IL6ST: variants seen among roughly 807,000 people sequenced by gnomAD.
IL6ST encodes the protein interleukin 6 cytokine family signal transducer.
In IL6ST, 24 loss-of-function variants were observed where a neutral mutation model predicts 91.3. The observed-to-expected ratio is 0.26, with a 90% CI of 0.19 to 0.37. The LOEUF (loss-of-function observed/expected upper bound fraction) is 0.37, where lower values mean the gene tolerates loss of function less well. IL6ST is among the 10% of genes least tolerant of loss of function. The pLI, the probability that IL6ST is intolerant of heterozygous loss-of-function variation, is 1.00. For synonymous variants in IL6ST, 351 were observed against 373.6 expected (o/e 0.94, Z 0.70); for missense variants, 914 against 1,078.5 (o/e 0.85, Z 2.14).
At chr5:55,985,965 G>A (rs1333424351) in intron 1 of IL6ST, among the ~76,000 whole-genome samples, 1 of 152,188 alleles carries the variant, frequency 6.6e-6, no homozygotes, top group South Asian at 2.1e-4. Flanking sequence ...CAGAAGGTAG[G>A]ATGACTCCTA....
In IL6ST at chr5:55,935,708, G is replaced by A. The variant is rs919946285; in HGVS notation, c.*5374C>T. On this transcript the variant is annotated 3_prime_UTR_variant, in exon 17 of 17. Transcript: ENST00000381298. Reference sequence around the variant, plus strand: ...GACTTAAGTATGGAAGAGCCTATACGCAGTTGTAATATATTTCGTATTTTG... The same window carrying A: ...GACTTAAGTATGGAAGAGCCTATACACAGTTGTAATATATTTCGTATTTTG... 7 of 217,630 alleles carry A rather than the reference G, an allele frequency of 3.2e-5. No individual in the cohort carries two copies. The highest frequency in any genetic ancestry group is 9.0e-5 in the African/African-American group (4 of 44,304). The allele number at this position is 217,630 out of a possible 1,614,324, so 13.5% of individuals were successfully genotyped here.
intron 2 of IL6ST, among the ~76,000 whole-genome samples, chr5:55,980,736 A>AT (rs1250489652): frequency 5.3e-5 from 8 of 152,092 alleles, no homozygotes; most frequent in African/African-American, 1.9e-4. Flanking sequence ...TTAATGTGTA[A>AT]TTTTTTTCTT....
In IL6ST at chr5:55,955,328, G is replaced by T. The variant is rs11574773; in HGVS notation, c.1268-336C>A. On this transcript the variant is annotated intron_variant, in intron 10 of 16. Coordinates refer to ENST00000381298, the MANE Select transcript of IL6ST (RefSeq NM_002184.4). The stretch of plus-strand genomic sequence containing the variant: ...CAAAATTAGCCAGGCATTGTGGTGC[G>T]TGCCTTTAATTCCAGCTACTTGGGA... 3.4e-3 allele frequency among the ~76,000 whole-genome samples: 516 copies of T among 152,150 alleles called. 3 individuals carry two copies. The highest frequency in any genetic ancestry group is 0.012 in the African/African-American group (494 of 41,524).
rs1752877476 is a variant in IL6ST at position 55,970,137 on chromosome 5, G to A, written c.65-282C>T. Among the ~76,000 whole-genome samples the A allele has an allele frequency of 2.0e-5, 3 of 152,118 alleles. No homozygotes were observed. In the South Asian group the frequency reaches 6.2e-4, roughly 32 times the overall value. ...ACTATTTCTTTAAGAAACACAGACTGCCTGCAGCATGATTCATACTTGCCC... is the reference window on the plus strand; with the variant it reads ...ACTATTTCTTTAAGAAACACAGACTACCTGCAGCATGATTCATACTTGCCC... On this transcript the variant is annotated intron_variant, in intron 3 of 16. Coordinates refer to ENST00000381298, the MANE Select transcript of IL6ST (RefSeq NM_002184.4).
chr5:55,956,415 A>C (rs1488110459), intron 9 of IL6ST, among the ~76,000 whole-genome samples, 180 bp from the exon 10 acceptor site: 1 of 152,228 alleles, frequency 6.6e-6, no homozygotes. Flanking sequence ...CTAAATGAAG[A>C]GTAAAAGCAT....
Position 55,963,474 on chromosome 5 carries a change from T to C in IL6ST, c.691A>G (p.Ile231Val), listed in dbSNP as rs1312881321. 2 of 1,609,956 alleles carry C rather than the reference T, an allele frequency of 1.2e-6. No homozygotes were observed. The highest frequency in any genetic ancestry group is 1.7e-6 in the Non-Finnish European group (2 of 1,177,788). Reference sequence around the variant, plus strand: ...ATACTAGACAGTTCCTCTGAGTTGATCACTGATAAATTATGTGGCGGATTG... The same window carrying C: ...ATACTAGACAGTTCCTCTGAGTTGACCACTGATAAATTATGTGGCGGATTG... Reference protein sequence around the residue: ...KPNPPHNLSVINSEELSSILK... With the variant: ...KPNPPHNLSVVNSEELSSILK... The change falls in exon 7 of 17, where the codon ATC (isoleucine) becomes GTC (valine). Residue 231 changes from isoleucine to valine, a missense_variant. Transcript: ENST00000381298.
intron 2 of IL6ST, among the ~76,000 whole-genome samples, chr5:55,977,473 A>G (rs1753376119): frequency 6.6e-6 from 1 of 152,130 alleles, no homozygotes; most frequent in Admixed American, 6.6e-5. Flanking sequence ...AAAAGGGCAT[A>G]AAGGAAATCT....
At position 55,951,574 on chromosome 5, in the gene IL6ST, T is replaced by G; in HGVS notation, c.1730A>C (p.Tyr577Ser). The G allele has an allele frequency of 6.2e-7, 1 of 1,612,270 alleles. No individual in the cohort carries two copies. Residue 577 changes from tyrosine (Y) to serine (S), a missense_variant, in exon 14 of 17, where the codon TAT becomes TCT. Tyr to Ser is a moderately radical substitution (Grantham distance 144). Coordinates refer to ENST00000381298, the MANE Select transcript of IL6ST (RefSeq NM_002184.4). The part of the protein sequence containing the change: ...AVNVDSSHTE[Y>S]TLSSLTSDTL... Reference sequence around the variant, plus strand: ...GTCACTAGTCAAAGAGGACAATGTATATTCTGTGTGGGAAGAATCCACATT... The same window carrying G: ...GTCACTAGTCAAAGAGGACAATGTAGATTCTGTGTGGGAAGAATCCACATT...
At chr5:55,944,557 TAAAG>T in intron 15 of IL6ST, 1 of 479,234 alleles carries the variant, frequency 2.1e-6, no homozygotes, top group Non-Finnish European at 3.8e-6. Context: ...CCCAAATAAA[TAAAG>T]AAATAAACCA....
Position 55,970,744 on chromosome 5 carries a change from T to A in IL6ST, c.65-889A>T, listed in dbSNP as rs567635042. Among the ~76,000 whole-genome samples, 51 of 151,838 alleles carry A rather than the reference T, an allele frequency of 3.4e-4. 1 individual carries two copies. Among genetic ancestry groups the A allele is most frequent in the Non-Finnish European group, 8.8e-5 (6 of 67,928 alleles). On this transcript the variant is annotated intron_variant, in intron 3 of 16. Coordinates refer to ENST00000381298, the MANE Select transcript of IL6ST (RefSeq NM_002184.4). ...CAACATGCTAAAACCCAGTCTCTAC[T>A]AAAAATACAAAAATTAGCTGGGTGT... is the stretch of plus-strand genomic sequence containing the variant.
rs1750899943 is a variant in IL6ST at position 55,941,370 on chromosome 5, T to C, written c.2469A>G (p.Glu823=). 1 of 1,614,006 alleles carries C rather than the reference T, an allele frequency of 6.2e-7. No individual in the cohort carries two copies. Among genetic ancestry groups the C allele is most frequent in the African/African-American group, 1.3e-5 (1 of 74,938 alleles). The change falls in exon 17 of 17, where the codon GAA becomes GAG. Residue 823 remains glutamate (E), a synonymous_variant. Coordinates refer to ENST00000381298, the MANE Select transcript of IL6ST (RefSeq NM_002184.4). ...CAAAATGTGAAATATCTGGACTGGA[T>C]TCATGCTGACTGCAGTTCTGTTTGA... The part of the protein sequence containing the change: ...QYFKQNCSQH[E]SSPDISHFER...
intron 3 of IL6ST, among the ~76,000 whole-genome samples, chr5:55,973,546 C>T (rs181714257): frequency 2.6e-5 from 4 of 152,328 alleles, no homozygotes; most frequent in Non-Finnish European, 5.9e-5. Flanking sequence ...CCCAGCAAAG[C>T]CCTCAGCCTG....
intron 5 of IL6ST, among the ~76,000 whole-genome samples, chr5:55,967,597 T>C (rs1406498077): frequency 6.6e-6 from 1 of 152,064 alleles, no homozygotes; most frequent in East Asian, 1.9e-4. Context: ...TATGTTGTTA[T>C]GCTTTTTTTT....
At chr5:55,985,617 G>C (rs1753921362) in intron 1 of IL6ST, among the ~76,000 whole-genome samples, 1 of 152,132 alleles carries the variant, frequency 6.6e-6, no homozygotes, top group South Asian at 2.1e-4. Flanking sequence ...GTTATTTCAA[G>C]TTAATATTTA....
rs943973939 is a variant in IL6ST at position 55,936,931 on chromosome 5, G to C, written c.*4151C>G. 2 of 201,596 alleles carry C rather than the reference G, an allele frequency of 9.9e-6. No homozygotes were observed. The highest frequency in any genetic ancestry group is 4.6e-5 in the African/African-American group (2 of 43,596). The allele number at this position is 201,596 out of a possible 1,614,324, so 12.5% of individuals were successfully genotyped here. A position where few individuals can be genotyped will look rare whatever the true frequency, so the allele number is the denominator to read the frequency against. ...TATAAAAGAAACATACCTAATGCTA[G>C]TCAGTCACTGCATTGTCCTACTAGC... is the stretch of plus-strand genomic sequence containing the variant. On this transcript the variant is annotated 3_prime_UTR_variant, in exon 17 of 17. Transcript: ENST00000381298.
intron 10 of IL6ST, among the ~76,000 whole-genome samples, chr5:55,955,683 T>G (rs1751909086): frequency 1.1e-5 from 1 of 92,162 alleles, no homozygotes; most frequent in African/African-American, 1.1e-4. Flanking sequence ...GATGGAAATG[T>G]TCTTGCATCC....
chr5:55,956,358 T>C, intron 9 of IL6ST, 123 bp from the exon 10 acceptor site: 1 of 624,698 alleles, frequency 1.6e-6, no homozygotes. Flanking sequence ...TGGAAAGGAT[T>C]CACAATCTCC....
intron 6 of IL6ST, among the ~76,000 whole-genome samples, 162 bp from the exon 7 acceptor site, chr5:55,963,668 G>GA (rs1043310298): frequency 7.0e-4 from 104 of 149,176 alleles, no homozygotes; most frequent in Admixed American, 3.6e-3. Flanking sequence ...CCTTATAATG[G>GA]AAAAAAAAAG....
chr5:55,941,000 T>C lies in IL6ST; in HGVS notation c.*82A>G. On this transcript the variant is annotated 3_prime_UTR_variant, in exon 17 of 17. Transcript: ENST00000381298. Reference sequence around the variant, plus strand: ...ATCATCTTCAGAGAGTGAAGACTTTTTAAAATCTGAATTCACAGATAAAAT... The same window carrying C: ...ATCATCTTCAGAGAGTGAAGACTTTCTAAAATCTGAATTCACAGATAAAAT... The C allele has an allele frequency of 2.1e-6, 3 of 1,397,466 alleles. No individual in the cohort carries two copies. In the South Asian group the frequency reaches 4.2e-5, roughly 20 times the overall value. 86.6% of individuals were successfully genotyped at this position (1,397,466 alleles called of 1,614,324 possible). A position where few individuals can be genotyped will look rare whatever the true frequency, so the allele number is the denominator to read the frequency against.
Sources: gnomAD v4.1 joint callset for allele counts (sites outside exome capture counted in the v4.1 genomes callset) on GRCh38, gnomAD v4.1.1 for gene constraint, MANE v1.5 for transcripts, NCBI Gene and HGNC (gene_info 2026-07-23, HGNC 2026-07-21) for gene names.